The following CNTN3 variants were observed in gnomAD, a reference collection of about 807,000 sequenced individuals.
The protein encoded by CNTN3 is contactin-3.
CNTN3 carries 60 observed loss-of-function variants against 119.1 expected under a neutral mutation model. The observed-to-expected ratio is 0.50, with a 90% CI of 0.41 to 0.62. The LOEUF (loss-of-function observed/expected upper bound fraction) is 0.62. CNTN3 is among the 20% of genes least tolerant of loss of function. The pLI, the probability that CNTN3 is intolerant of heterozygous loss-of-function variation, is 0.00. For synonymous variants in CNTN3, 450 were observed against 438.7 expected (o/e 1.03, Z -0.32); for missense variants, 1,101 against 1,242.4 (o/e 0.89, Z 1.71).
In CNTN3 at chr3:74,424,842, T is replaced by C. The variant is rs1399541170; in HGVS notation, c.454+3A>G. The C allele has an allele frequency of 1.9e-6, 3 of 1,612,650 alleles. No homozygotes were observed. Among genetic ancestry groups the C allele is most frequent in the Non-Finnish European group, 2.5e-6 (3 of 1,179,004 alleles). On this transcript the variant is annotated splice_donor_region_variant and intron_variant, in intron 5 of 22. Coordinates refer to ENST00000263665, the MANE Select transcript of CNTN3 (RefSeq NM_020872.3). ...TGAAAAGCAGAAACAGAGCATGACT[T>C]ACCTCCAGAGTGTGGTGGGGGGCCG...
chr3:74,521,304 C>T (rs1049612202), intron 1 of CNTN3, among the ~76,000 whole-genome samples, 112 bp from the exon 2 acceptor site: 1 of 149,894 alleles, frequency 6.7e-6, no homozygotes, highest in East Asian at 2.0e-4. Context: ...ACACTGAAAA[C>T]CCTCAGATAA....
chr3:74,360,455 C>T (rs941615787), intron 11 of CNTN3, among the ~76,000 whole-genome samples: 1 of 152,116 alleles, frequency 6.6e-6, no homozygotes, highest in Non-Finnish European at 1.5e-5. Context: ...CACTAAGTTT[C>T]TGTTTTTTCA....
chr3:74,571,694 G>A (rs1704337010), intron 1 of CNTN3, among the ~76,000 whole-genome samples: 1 of 152,118 alleles, frequency 6.6e-6, no homozygotes, highest in East Asian at 1.9e-4. Context: ...GGTGCTTTTT[G>A]TCAAAAGAAT....
chr3:74,399,173 A>C (rs1705128000), intron 5 of CNTN3, among the ~76,000 whole-genome samples: 2 of 152,072 alleles, frequency 1.3e-5, no homozygotes, highest in African/African-American at 4.8e-5. Context: ...TCAGGGATCC[A>C]AGTACAAGTT....
intron 1 of CNTN3, among the ~76,000 whole-genome samples, chr3:74,587,725 T>C (rs1489822254): frequency 6.6e-6 from 1 of 152,166 alleles, no homozygotes; most frequent in Non-Finnish European, 1.5e-5. Flanking sequence ...AGATATAGAA[T>C]CATGTCATCT....
intron 1 of CNTN3, among the ~76,000 whole-genome samples, chr3:74,530,253 T>G (rs1183143689): frequency 6.6e-5 from 10 of 152,080 alleles, no homozygotes; most frequent in Admixed American, 6.6e-4. Flanking sequence ...CATGCGAAGT[T>G]TCCTGGACCA....
chr3:74,408,147 C>T lies in CNTN3; in HGVS notation c.454+16698G>A, dbSNP rs143857311. On this transcript the variant is annotated intron_variant, in intron 5 of 22. Coordinates refer to ENST00000263665, the MANE Select transcript of CNTN3 (RefSeq NM_020872.3). Reference sequence around the variant, plus strand: ...GAATAAATTCTGCTCCACTGTGGGACGGTGCAAACTTCAAGCTAATGTGCT... The same window carrying T: ...GAATAAATTCTGCTCCACTGTGGGATGGTGCAAACTTCAAGCTAATGTGCT... Among the ~76,000 whole-genome samples the T allele has an allele frequency of 3.5e-3, 532 of 152,242 alleles. 3 individuals carry two copies. The highest frequency in any genetic ancestry group is 0.012 in the African/African-American group (504 of 41,558).
intron 13 of CNTN3, among the ~76,000 whole-genome samples, chr3:74,313,134 G>A (rs535314759): frequency 6.6e-6 from 1 of 151,198 alleles, no homozygotes; most frequent in South Asian, 2.1e-4. Flanking sequence ...ACAAAACAGA[G>A]AAAAACAGAC....
chr3:74,587,845 G>A (rs568121910), intron 1 of CNTN3, among the ~76,000 whole-genome samples: 9 of 152,290 alleles, frequency 5.9e-5, no homozygotes, highest in East Asian at 3.9e-4. Flanking sequence ...AATAGGAGGC[G>A]TGAGAGAGGG....
rs576123354 is a variant in CNTN3, at chr3:74,486,204, A to G, written c.358+252T>C. Among the ~76,000 whole-genome samples the G allele has an allele frequency of 2.4e-3, 287 of 117,462 alleles. 4 individuals carry two copies. The highest frequency in any genetic ancestry group is 3.0e-3 in the Non-Finnish European group (161 of 53,356). 77.1% of individuals were successfully genotyped at this position (117,462 alleles called of 152,430 possible). On this transcript the variant is annotated intron_variant, in intron 4 of 22. Transcript: ENST00000263665. ...CTTGTGAAATACTAAAATAGAGCAC[A>G]CACACACACACACACACACCCCTAC...
At chr3:74,494,412 T>A (rs563849459) in intron 3 of CNTN3, among the ~76,000 whole-genome samples, 2 of 152,274 alleles carry the variant, frequency 1.3e-5, no homozygotes, top group African/African-American at 4.8e-5. Context: ...ATTAGCTTCA[T>A]TTTTATTTCA....
At position 74,320,642 on chromosome 3, in the gene CNTN3, A is replaced by T. The variant is rs144876324; in HGVS notation, c.1668+14093T>A. Among the ~76,000 whole-genome samples, 486 of 152,206 alleles carry T rather than the reference A, an allele frequency of 3.2e-3. 5 individuals are homozygous for T. The highest frequency in any genetic ancestry group is 0.011 in the African/African-American group (467 of 41,536). On this transcript the variant is annotated intron_variant, in intron 13 of 22. Coordinates refer to ENST00000263665, the MANE Select transcript of CNTN3 (RefSeq NM_020872.3). ...ACTTAAAGTATAATAACAATAAAAT[A>T]AAAAAATGCAGCTTTTCAAAAAAGT...
intron 4 of CNTN3, among the ~76,000 whole-genome samples, chr3:74,452,168 G>C (rs886092157): frequency 7.2e-6 from 1 of 139,582 alleles, no homozygotes; most frequent in Admixed American, 7.2e-5. Context: ...TCTTCCATTT[G>C]TTTGTATCCT....
At chr3:74,575,606 A>AACACACACACACACAC (rs71129762) in intron 1 of CNTN3, among the ~76,000 whole-genome samples, 9,674 of 135,010 alleles carry the variant, frequency 0.072, 439 homozygotes, top group Non-Finnish European at 0.082. Context: ...AGTCTCTCCC[A>AACACACACACACACAC]ACACACACAC....
At chr3:74,586,868 T>C (rs1436342186) in intron 1 of CNTN3, among the ~76,000 whole-genome samples, 1 of 152,104 alleles carries the variant, frequency 6.6e-6, no homozygotes, top group Non-Finnish European at 1.5e-5. Context: ...TAAATGTCTT[T>C]TCTCAAGTAA....
At chr3:74,587,804 T>C (rs1704621505) in intron 1 of CNTN3, among the ~76,000 whole-genome samples, 1 of 152,078 alleles carries the variant, frequency 6.6e-6, no homozygotes, top group South Asian at 2.1e-4. Flanking sequence ...CCTGCCTAAT[T>C]GCCCTGGCCA....
chr3:74,526,667 G>C (rs987320841), intron 1 of CNTN3, among the ~76,000 whole-genome samples: 40 of 151,750 alleles, frequency 2.6e-4, no homozygotes, highest in African/African-American at 9.4e-4. Context: ...AGCAAAGAAG[G>C]AAGGATATCA....
chr3:74,591,141 C>T (rs533275972), intron 1 of CNTN3, among the ~76,000 whole-genome samples: 1 of 151,864 alleles, frequency 6.6e-6, no homozygotes, highest in South Asian at 2.1e-4. Flanking sequence ...AATTAATGTC[C>T]CCGTATTTCT....
chr3:74,519,414 A>G (rs1235214835), intron 2 of CNTN3, among the ~76,000 whole-genome samples: 1 of 151,804 alleles, frequency 6.6e-6, no homozygotes, highest in Admixed American at 6.6e-5. Flanking sequence ...CTGAAACACA[A>G]TACAAATTTC....
Sources: allele counts gnomAD v4.1 joint callset (sites outside exome capture counted in the v4.1 genomes callset), GRCh38; gene constraint gnomAD v4.1.1; transcripts MANE v1.5; gene names NCBI Gene and HGNC (gene_info 2026-07-23, HGNC 2026-07-21).